Variants in MACROD2 observed in about 807,000 individuals in gnomAD.
The protein encoded by MACROD2 is ADP-ribose glycohydrolase MACROD2.
In MACROD2, 36 loss-of-function variants were observed where a neutral mutation model predicts 70.4. That is an observed-to-expected ratio of 0.51 (90% CI 0.39 to 0.68). The LOEUF (loss-of-function observed/expected upper bound fraction) is 0.68, where lower values mean the gene tolerates loss of function less well. MACROD2 is among the 30% of genes least tolerant of loss of function. MACROD2 has a pLI of 0.00. For synonymous variants in MACROD2, 172 were observed against 178.8 expected (o/e 0.96, Z 0.30); for missense variants, 496 against 538.4 (o/e 0.92, Z 0.78).
intron 5 of MACROD2, among the ~76,000 whole-genome samples, chr20:14,804,388 T>C (rs1218352731): frequency 1.3e-5 from 2 of 152,060 alleles, no homozygotes; most frequent in African/African-American, 4.8e-5. Flanking sequence ...TTCTTTAAGT[T>C]GTAGAGGATC....
chr20:15,914,768 C>T (rs2065288126), intron 10 of MACROD2, among the ~76,000 whole-genome samples: 1 of 152,104 alleles, frequency 6.6e-6, no homozygotes, highest in South Asian at 2.1e-4. Context: ...CCACAAGACT[C>T]CCCCCACTTC....
intron 6 of MACROD2, among the ~76,000 whole-genome samples, chr20:15,357,533 T>A (rs1196560298): frequency 6.6e-6 from 1 of 152,256 alleles, no homozygotes; most frequent in Admixed American, 6.5e-5. Context: ...AATATAGAAA[T>A]AATCATCATA....
At chr20:14,059,999 T>C (rs1388122131) in intron 2 of MACROD2, among the ~76,000 whole-genome samples, 2 of 152,054 alleles carry the variant, frequency 1.3e-5, no homozygotes, top group Non-Finnish European at 2.9e-5. Context: ...ACAAAGAGGG[T>C]GAAGATGGGT....
chr20:15,261,214 C>T (rs894234276), intron 6 of MACROD2, among the ~76,000 whole-genome samples: 4 of 151,720 alleles, frequency 2.6e-5, no homozygotes, highest in South Asian at 2.1e-4. Flanking sequence ...TGGATTTATA[C>T]GGTTTGGCAT....
intron 3 of MACROD2, among the ~76,000 whole-genome samples, chr20:14,453,674 G>T (rs62204402): frequency 1.3e-5 from 2 of 151,626 alleles, no homozygotes; most frequent in African/African-American, 4.9e-5. Context: ...TGTATTCCTC[G>T]TTATAAATGG....
At chr20:15,166,870 ATTAAC>A (rs1358012909) in intron 5 of MACROD2, among the ~76,000 whole-genome samples, 1 of 150,990 alleles carries the variant, frequency 6.6e-6, no homozygotes, top group Non-Finnish European at 1.5e-5. Context: ...AAATTTAAGT[ATTAAC>A]TTATTAAATT....
chr20:14,384,130 A>T (rs1160384147), intron 3 of MACROD2, among the ~76,000 whole-genome samples: 1 of 152,230 alleles, frequency 6.6e-6, no homozygotes, highest in African/African-American at 2.4e-5. Flanking sequence ...AATTAAAACG[A>T]ATTCATCGTA....
chr20:15,828,712 G>A (rs931636112), intron 8 of MACROD2, among the ~76,000 whole-genome samples: 7 of 152,222 alleles, frequency 4.6e-5, no homozygotes, highest in South Asian at 4.1e-4. Context: ...TCTGGTTTTC[G>A]TCATTACATG....
chr20:15,074,702 G>C (rs1359963021), intron 5 of MACROD2, among the ~76,000 whole-genome samples: 5 of 152,244 alleles, frequency 3.3e-5, no homozygotes, highest in African/African-American at 1.2e-4. Context: ...TTGATTGCTT[G>C]CTTGGTGTGG....
chr20:14,472,489 A>C (rs2084541868), intron 3 of MACROD2, among the ~76,000 whole-genome samples: 1 of 152,160 alleles, frequency 6.6e-6, no homozygotes, highest in South Asian at 2.1e-4. Flanking sequence ...TATACTGGGA[A>C]ATAGCCTATT....
intron 5 of MACROD2, among the ~76,000 whole-genome samples, chr20:15,139,637 A>T (rs946312669): frequency 6.6e-6 from 1 of 152,174 alleles, no homozygotes; most frequent in Non-Finnish European, 1.5e-5. Context: ...GAGAAAAAAA[A>T]ATCATGTGGA....
chr20:14,261,385 C>G (rs1186829154), intron 3 of MACROD2, among the ~76,000 whole-genome samples: 1 of 152,094 alleles, frequency 6.6e-6, no homozygotes, highest in East Asian at 1.9e-4. Context: ...TCTACTTTCG[C>G]ATTTAATGTG....
chr20:15,264,373 A>G (rs2077274482), intron 6 of MACROD2, among the ~76,000 whole-genome samples: 1 of 152,204 alleles, frequency 6.6e-6, no homozygotes, highest in East Asian at 1.9e-4. Flanking sequence ...ACCTTCCTTC[A>G]TTCTTTGATT....
intron 7 of MACROD2, among the ~76,000 whole-genome samples, chr20:15,489,157 G>T (rs908480876): frequency 6.6e-6 from 1 of 152,176 alleles, no homozygotes; most frequent in Non-Finnish European, 1.5e-5. Flanking sequence ...AGTGTCTCAA[G>T]ACCAAAGCTG....
intron 4 of MACROD2, among the ~76,000 whole-genome samples, chr20:14,563,662 A>G (rs1465336587): frequency 6.6e-6 from 1 of 151,992 alleles, no homozygotes; most frequent in Non-Finnish European, 1.5e-5. Context: ...TTACAGTTCA[A>G]TATCAATTCT....
chr20:15,010,017 A>G (rs1275633146), intron 5 of MACROD2, among the ~76,000 whole-genome samples: 1 of 152,146 alleles, frequency 6.6e-6, no homozygotes, highest in Non-Finnish European at 1.5e-5. Context: ...CCAAGATTGG[A>G]GAGCTCAAAC....
chr20:15,002,636 T>C (rs1043686407), intron 5 of MACROD2, among the ~76,000 whole-genome samples: 3 of 152,160 alleles, frequency 2.0e-5, no homozygotes, highest in Non-Finnish European at 4.4e-5. Flanking sequence ...CTCAAATTCC[T>C]ATGGGGACCG....
intron 5 of MACROD2, among the ~76,000 whole-genome samples, chr20:15,159,105 T>C (rs574914427): frequency 2.8e-4 from 43 of 152,310 alleles, no homozygotes; most frequent in African/African-American, 8.9e-4. Context: ...CAAACTGTAC[T>C]TGTAACATAA....
chr20:14,245,709 T>C (rs2081963618), intron 3 of MACROD2, among the ~76,000 whole-genome samples: 1 of 152,204 alleles, frequency 6.6e-6, no homozygotes. Context: ...CTGGAGCTCT[T>C]AATGCTATAA....
Sources: gnomAD v4.1 joint callset for allele counts (sites outside exome capture counted in the v4.1 genomes callset) on GRCh38, gnomAD v4.1.1 for gene constraint, MANE v1.5 for transcripts, NCBI Gene and HGNC (gene_info 2026-07-23, HGNC 2026-07-21) for gene names.